The following ME2 variants were observed in gnomAD, a reference collection of about 807,000 sequenced individuals.
ME2 encodes NAD-dependent malic enzyme, mitochondrial.
Under a neutral mutation model 73.7 loss-of-function variants are expected in ME2, and 60 were observed. That is an observed-to-expected ratio of 0.81 (90% confidence interval 0.66 to 1.01). The LOEUF (loss-of-function observed/expected upper bound fraction) is 1.01, where lower values mean the gene tolerates loss of function less well. Among genes scored for constraint, ME2 ranks in the 50% least tolerant of loss-of-function variants. The probability of loss-of-function intolerance (pLI) is 0.00; values close to 1 mark genes in which losing one functional copy is unlikely to be tolerated. For missense variants in ME2, 594 were observed against 705.5 expected (o/e 0.84, Z 1.79); for synonymous variants, 199 against 236.9 (o/e 0.84, Z 1.47).
At chr18:50,929,324 T>C (rs1337924939) in intron 12 of ME2, among the ~76,000 whole-genome samples, 1 of 151,406 alleles carries the variant, frequency 6.6e-6, no homozygotes, top group Admixed American at 6.6e-5. Context: ...CTGTCTCTAC[T>C]AAAAATACAA....
chr18:50,886,983 G>A (rs190513210), intron 1 of ME2, among the ~76,000 whole-genome samples: 167 of 152,088 alleles, frequency 1.1e-3, no homozygotes, highest in Non-Finnish European at 2.0e-3. Flanking sequence ...CCTGTGTGAC[G>A]GCAAGACTCT....
At chr18:50,920,906 C>T (rs951016393) in intron 9 of ME2, 148 bp downstream of exon 9, 8 of 742,946 alleles carry the variant, frequency 1.1e-5, no homozygotes, top group Non-Finnish European at 1.5e-5. Flanking sequence ...TGCTGTAAAA[C>T]ATGTAATTTA....
In ME2 at chr18:50,947,269, GT is replaced by G; in HGVS notation, c.*89del. 7.3e-7 allele frequency: 1 copy of G among 1,378,926 alleles called. No homozygotes were observed. Among genetic ancestry groups the G allele is most frequent in the Non-Finnish European group, 9.9e-7 (1 of 1,006,780 alleles). 85.4% of individuals were successfully genotyped at this position (1,378,926 alleles called of 1,614,324 possible). A position where few individuals can be genotyped will look rare whatever the true frequency, so the allele number is the denominator to read the frequency against. On this transcript the variant is annotated 3_prime_UTR_variant, in exon 16 of 16. Transcript: ENST00000321341. ...GAGATAATGTCTTCAGTTTTATGGT[GT>G]TTTCTGTGTTTTGTTCTCCCTGACC...
At chr18:50,882,657 A>G (rs770763499) in intron 1 of ME2, among the ~76,000 whole-genome samples, 1 of 152,144 alleles carries the variant, frequency 6.6e-6, no homozygotes, top group Non-Finnish European at 1.5e-5. Flanking sequence ...CTTAAACACT[A>G]CTGCAATCTG....
In ME2 at chr18:50,925,701, G is replaced by C. The variant is rs568284211; in HGVS notation, c.1172-55G>C. On this transcript the variant is annotated intron_variant, in intron 11 of 15. Coordinates refer to ENST00000321341, the MANE Select transcript of ME2 (RefSeq NM_002396.5). ...CCTATTGTAGAAATGCTATTGATAA[G>C]CATTGCTTTTATACCTATAATGAAG... is the stretch of plus-strand genomic sequence containing the variant. 18 of 1,455,188 alleles carry C rather than the reference G, an allele frequency of 1.2e-5. No individual in the cohort carries two copies. The Admixed American group carries it at 1.6e-4, about 13-fold the overall frequency. The allele number at this position is 1,455,188 out of a possible 1,614,324, so 90.1% of individuals were successfully genotyped here.
intron 1 of ME2, among the ~76,000 whole-genome samples, chr18:50,885,573 G>GT (rs958361694): frequency 3.3e-5 from 5 of 151,278 alleles, no homozygotes; most frequent in Admixed American, 1.3e-4. Context: ...AATTTAAATG[G>GT]TTTTTTTTCA....
chr18:50,920,503 A>G lies in ME2; in HGVS notation c.782A>G (p.Asn261Ser). 1 of 1,601,476 alleles carries G rather than the reference A, an allele frequency of 6.2e-7. No individual in the cohort carries two copies. The highest frequency in any genetic ancestry group is 8.5e-7 in the Non-Finnish European group (1 of 1,177,322). The change falls in exon 8 of 16, where the codon AAT becomes AGT. Residue 261 changes from asparagine to serine, a missense_variant. Physicochemically the swap from Asn to Ser is conservative, Grantham distance 46 (BLOSUM62 1). Transcript: ENST00000321341. ...LIQFEDFGNH[N>S]AFRFLRKYRE... ...CAGTTCGAAGACTTTGGAAATCATA[A>G]TGCATTCAGGTTCTTGAGAAAGTAC...
Position 50,949,383 on chromosome 18 carries a change from T to A in ME2, c.*2199T>A, listed in dbSNP as rs1195801948. On this transcript the variant is annotated 3_prime_UTR_variant, in exon 16 of 16. Transcript: ENST00000321341. ...GTCACCCTTGCTGGAGGGCGGTGGC[T>A]GTTCACAGGCGTGGGTCATAGAGCA... The A allele has an allele frequency of 6.6e-6, 1 of 152,262 alleles. No individual in the cohort carries two copies. Among genetic ancestry groups the A allele is most frequent in the African/African-American group, 2.4e-5 (1 of 41,440 alleles). 9.4% of individuals were successfully genotyped at this position (152,262 alleles called of 1,614,324 possible). A position where few individuals can be genotyped will look rare whatever the true frequency, so the allele number is the denominator to read the frequency against.
At chr18:50,940,417 AT>A (rs776279631) in intron 15 of ME2, 31 bp downstream of exon 15, 2 of 1,290,826 alleles carry the variant, frequency 1.5e-6, no homozygotes, top group Admixed American at 4.1e-5. Context: ...CTTCACATTA[AT>A]TTTAATGACA....
At chr18:50,896,031 G>A in intron 2 of ME2, 103 bp downstream of exon 2, 1 of 774,686 alleles carries the variant, frequency 1.3e-6, no homozygotes, top group Non-Finnish European at 2.1e-6. Context: ...TTATGCTAAG[G>A]TTGTTCAGAG....
intron 2 of ME2, among the ~76,000 whole-genome samples, chr18:50,903,793 T>A (rs2144210200): frequency 6.6e-6 from 1 of 152,274 alleles, no homozygotes; most frequent in Non-Finnish European, 1.5e-5. Context: ...AAACATACGT[T>A]TTAGCCTTTT....
intron 4 of ME2, 149 bp downstream of exon 4, chr18:50,913,099 C>G: frequency 5.4e-6 from 3 of 558,516 alleles, no homozygotes; most frequent in Admixed American, 3.9e-5. Context: ...AAGAGATTAA[C>G]AAAATCCCAA....
chr18:50,891,534 T>A (rs1916604798), intron 1 of ME2, among the ~76,000 whole-genome samples: 1 of 152,204 alleles, frequency 6.6e-6, no homozygotes, highest in African/African-American at 2.4e-5. Flanking sequence ...CCTAAGCCAA[T>A]AAGCCTTTTT....
At chr18:50,879,546 A>G (rs1350942057) in intron 1 of ME2, among the ~76,000 whole-genome samples, 1 of 152,098 alleles carries the variant, frequency 6.6e-6, no homozygotes, top group African/African-American at 2.4e-5. Flanking sequence ...CCGCGGCTCT[A>G]CCCGGCGCGC....
At chr18:50,898,841 C>T (rs1007829376) in intron 2 of ME2, among the ~76,000 whole-genome samples, 4 of 151,886 alleles carry the variant, frequency 2.6e-5, no homozygotes, top group Non-Finnish European at 4.4e-5. Context: ...CTTTGGCAAA[C>T]CCTTCAACTT....
chr18:50,895,993 T>C (rs1599091379), intron 2 of ME2, 65 bp downstream of exon 2: 1 of 1,071,380 alleles, frequency 9.3e-7, no homozygotes, highest in Non-Finnish European at 1.4e-6. Flanking sequence ...TATTTAAGAC[T>C]GATAAGGTGT....
Position 50,912,963 on chromosome 18 carries a change from T to TA in ME2, c.392+21dup, listed in dbSNP as rs759388624. 35 of 1,566,744 alleles carry TA rather than the reference T, an allele frequency of 2.2e-5. No homozygotes were observed. Among genetic ancestry groups the TA allele is most frequent in the South Asian group, 7.4e-5 (6 of 81,178 alleles). On this transcript the variant is annotated intron_variant, in intron 4 of 15. Transcript: ENST00000321341. ...TTAGAAGACCTAAGTAAGGCTTGTTTAAAAAAAAGCTTGTAAATGATTATT... is the reference window on the plus strand; with the variant it reads ...TTAGAAGACCTAAGTAAGGCTTGTTTAAAAAAAAAGCTTGTAAATGATTATT...
chr18:50,929,372 C>T (rs1917638529), intron 12 of ME2, among the ~76,000 whole-genome samples: 1 of 151,336 alleles, frequency 6.6e-6, no homozygotes, highest in Non-Finnish European at 1.5e-5. Flanking sequence ...ACCTGTAGTC[C>T]CAGCTACTCA....
intron 14 of ME2, 77 bp from the exon 15 acceptor site, chr18:50,940,211 C>T: frequency 1.1e-6 from 1 of 933,224 alleles, no homozygotes; most frequent in Non-Finnish European, 1.7e-6. Context: ...CTCTGTTTCC[C>T]CAATGCTTTT....
Sources: gnomAD v4.1 joint callset for allele counts (sites outside exome capture counted in the v4.1 genomes callset) on GRCh38, gnomAD v4.1.1 for gene constraint, MANE v1.5 for transcripts, NCBI Gene and HGNC (gene_info 2026-07-23, HGNC 2026-07-21) for gene names.